Variants in FMN1 observed in about 807,000 individuals in gnomAD.
FMN1 encodes the protein formin 1, also known as formin-1.
FMN1 carries 110 observed loss-of-function variants against 132.4 expected under a neutral mutation model. That is an observed-to-expected ratio of 0.83 (90% CI 0.71 to 0.97). The LOEUF (loss-of-function observed/expected upper bound fraction) is 0.97. Ranked by LOEUF, FMN1 falls within the 50% of genes least tolerant of loss-of-function variation. FMN1 has a pLI of 0.00. For missense variants in FMN1, 1,792 were observed against 1,705.3 expected, an observed-to-expected ratio of 1.05 and a Z score of -0.90; for synonymous variants, 722 against 651.7, an observed-to-expected ratio of 1.11 and a Z score of -1.64.
intron 4 of FMN1, chr15:33,150,739 C>T (rs932353711): frequency 1.0e-6 from 1 of 985,606 alleles, no homozygotes. Flanking sequence ...TTAATGAGAG[C>T]TTTCAATAAT....
intron 6 of FMN1, among the ~76,000 whole-genome samples, chr15:33,025,126 A>G (rs958150486): frequency 1.3e-5 from 2 of 152,218 alleles, no homozygotes; most frequent in African/African-American, 2.4e-5. Context: ...GGCTTCAAAT[A>G]TATTTGTAAT....
chr15:33,019,668 A>G (rs1357506664), intron 6 of FMN1, among the ~76,000 whole-genome samples: 1 of 152,200 alleles, frequency 6.6e-6, no homozygotes, highest in Non-Finnish European at 1.5e-5. Context: ...GCGCAGCACC[A>G]GTGGGCCAGC....
chr15:32,809,046 GGAGAAA>G (rs71749040), intron 17 of FMN1, among the ~76,000 whole-genome samples: 17,799 of 151,888 alleles, frequency 0.12, 1,136 homozygotes, highest in Middle Eastern at 0.16. Flanking sequence ...TTCATCCTCA[GGAGAAA>G]GAGAAAAACT....
chr15:32,988,178 C>T (rs915365114), intron 7 of FMN1, among the ~76,000 whole-genome samples: 6 of 151,158 alleles, frequency 4.0e-5, no homozygotes, highest in Non-Finnish European at 8.8e-5. Flanking sequence ...GGACACTGAC[C>T]CATAGCTCAC....
At chr15:33,007,956 A>G in intron 7 of FMN1, 58 bp downstream of exon 7, 1 of 1,410,306 alleles carries the variant, frequency 7.1e-7, no homozygotes, top group South Asian at 1.3e-5. Context: ...ACTTCAGCAT[A>G]GGAGAAAACC....
At chr15:33,173,406 T>G (rs1291795149) in intron 3 of FMN1, among the ~76,000 whole-genome samples, 2 of 152,226 alleles carry the variant, frequency 1.3e-5, no homozygotes, top group African/African-American at 4.8e-5. Context: ...AACCAAGCAG[T>G]GCTGCTTCAG....
chr15:33,176,522 A>G (rs1456952233), intron 3 of FMN1, among the ~76,000 whole-genome samples: 1 of 150,724 alleles, frequency 6.6e-6, no homozygotes, highest in African/African-American at 2.4e-5. Flanking sequence ...AAAAAAAAAA[A>G]AAAAAAATCA....
At chr15:32,939,309 C>G (rs2140430987) in intron 9 of FMN1, among the ~76,000 whole-genome samples, 1 of 152,118 alleles carries the variant, frequency 6.6e-6, no homozygotes, top group South Asian at 2.1e-4. Context: ...AACCTCCTTA[C>G]CCAGATATAT....
chr15:32,873,779 A>T (rs968365131), intron 16 of FMN1, among the ~76,000 whole-genome samples: 13 of 152,176 alleles, frequency 8.5e-5, no homozygotes, highest in African/African-American at 3.1e-4. Context: ...TTCAGCCCTG[A>T]TGTTAATAAG....
chr15:33,053,578 T>TATCC (rs964881648), intron 6 of FMN1, among the ~76,000 whole-genome samples: 1 of 152,152 alleles, frequency 6.6e-6, no homozygotes, highest in African/African-American at 2.4e-5. Context: ...GTCCTCAGAA[T>TATCC]ATCCATACAT....
At chr15:32,872,634 A>G (rs924616309) in intron 16 of FMN1, among the ~76,000 whole-genome samples, 4 of 152,246 alleles carry the variant, frequency 2.6e-5, no homozygotes, top group Admixed American at 6.5e-5. Context: ...TAAGAGGAAG[A>G]GGTATTACAG....
chr15:33,074,226 T>A (rs182420091), intron 5 of FMN1, among the ~76,000 whole-genome samples: 31 of 152,356 alleles, frequency 2.0e-4, no homozygotes, highest in African/African-American at 7.5e-4. Context: ...TTCGTTATAC[T>A]CATTTTCCAC....
intron 5 of FMN1, chr15:33,068,251 C>G: frequency 5.2e-6 from 1 of 192,954 alleles, no homozygotes; most frequent in Non-Finnish European, 1.1e-5. Flanking sequence ...AATCCCAACC[C>G]AGGACTTCAC....
chr15:33,087,794 T>C (rs1205785538), intron 5 of FMN1, among the ~76,000 whole-genome samples: 1 of 130,520 alleles, frequency 7.7e-6, no homozygotes, highest in Non-Finnish European at 1.7e-5. Context: ...GTGGTATATA[T>C]TTACATATAT....
intron 17 of FMN1, chr15:32,836,933 G>C (rs1032210464): frequency 1.1e-5 from 2 of 188,680 alleles, no homozygotes; most frequent in Non-Finnish European, 2.5e-5. Flanking sequence ...TTTTTCCTTG[G>C]TAAAGGTTTA....
intron 10 of FMN1, 62 bp from the exon 11 acceptor site, chr15:32,910,597 T>C: frequency 8.3e-7 from 1 of 1,198,022 alleles, no homozygotes; most frequent in Non-Finnish European, 1.2e-6. Flanking sequence ...GCACCAATGT[T>C]TACTCCACAT....
intron 4 of FMN1, among the ~76,000 whole-genome samples, chr15:33,097,776 A>G (rs1311501510): frequency 1.3e-5 from 2 of 152,212 alleles, no homozygotes; most frequent in Non-Finnish European, 1.5e-5. Context: ...AAGCAAAACT[A>G]TCAGAACTGA....
At chr15:32,822,846 G>C (rs960618436) in intron 17 of FMN1, among the ~76,000 whole-genome samples, 10 of 152,224 alleles carry the variant, frequency 6.6e-5, no homozygotes, top group Non-Finnish European at 1.2e-4. Context: ...CACATGTTCT[G>C]AATATCTGTT....
At chr15:32,895,504 G>A (rs548432951) in intron 15 of FMN1, among the ~76,000 whole-genome samples, 21 of 152,204 alleles carry the variant, frequency 1.4e-4, no homozygotes, top group African/African-American at 5.1e-4. Context: ...TTTTTAAAGT[G>A]TGCCCTTTAT....
Sources: gnomAD v4.1 joint callset for allele counts (sites outside exome capture counted in the v4.1 genomes callset) on GRCh38, gnomAD v4.1.1 for gene constraint, MANE v1.5 for transcripts, NCBI Gene and HGNC (gene_info 2026-07-23, HGNC 2026-07-21) for gene names.